The following KALRN variants were observed in gnomAD, a reference collection of about 807,000 sequenced individuals.
KALRN encodes the protein kalirin RhoGEF kinase, also known as kalirin.
KALRN carries 70 observed loss-of-function variants against 353.7 expected under a neutral mutation model. That is an observed-to-expected ratio of 0.20 (90% CI 0.16 to 0.24). The LOEUF is 0.24. Among genes scored for constraint, KALRN ranks in the 10% least tolerant of loss-of-function variants. The pLI, the probability that KALRN is intolerant of heterozygous loss-of-function variation, is 1.00. For missense variants in KALRN, 2,791 were observed against 3,756.7 expected (o/e 0.74, Z 6.72); for synonymous variants, 1,391 against 1,434.8 (o/e 0.97, Z 0.69).
chr3:124,709,340 C>A (rs2062785044), intron 57 of KALRN, among the ~76,000 whole-genome samples: 1 of 152,260 alleles, frequency 6.6e-6, no homozygotes, highest in Admixed American at 6.5e-5. Context: ...TGCAGTGGCA[C>A]AATCTTGGCT....
intron 5 of KALRN, among the ~76,000 whole-genome samples, chr3:124,288,077 G>T (rs948443417): frequency 2.0e-5 from 3 of 151,912 alleles, no homozygotes; most frequent in African/African-American, 7.3e-5. Flanking sequence ...GTTTCGCCTT[G>T]TTGGCCAGGC....
chr3:124,683,953 TGTA>T (rs1265738796), intron 51 of KALRN, among the ~76,000 whole-genome samples: 1 of 152,244 alleles, frequency 6.6e-6, no homozygotes, highest in African/African-American at 2.4e-5. Context: ...TTTTATGTTT[TGTA>T]GTAAAATATA....
Position 124,398,796 on chromosome 3 carries a change from G to A in KALRN, c.2271G>A (p.Glu757=). 6.2e-7 allele frequency: 1 copy of A among 1,614,198 alleles called. No homozygotes were observed. Among genetic ancestry groups the A allele is most frequent in the Non-Finnish European group, 8.5e-7 (1 of 1,180,044 alleles). The change falls in exon 13 of 60, where the codon GAG becomes GAA. Residue 757 remains glutamate, a synonymous_variant. Coordinates refer to ENST00000682506, the MANE Select transcript of KALRN (RefSeq NM_001388419.1). ...QQLDDAQVQM[E]ELFHERKIKL... is the part of the protein sequence containing the mutation. The stretch of plus-strand genomic sequence containing the variant: ...TTGATGATGCCCAGGTGCAGATGGA[G>A]GAGCTGTTCCACGAGCGGAAGATCA...
intron 3 of KALRN, among the ~76,000 whole-genome samples, chr3:124,256,837 C>T (rs779221335): frequency 2.6e-5 from 4 of 152,142 alleles, no homozygotes; most frequent in African/African-American, 9.7e-5. Context: ...GCAGAAACCT[C>T]GCAGTGATTT....
At position 124,576,028 on chromosome 3, in the gene KALRN, C is replaced by T. The variant is rs1048539742; in HGVS notation, c.5182+12939C>T. ...TTACCAATCAAGCCATGCATACGCT[C>T]ACCTCAGGGCCTGATCTTTTGTTCC... On this transcript the variant is annotated intron_variant, in intron 34 of 59. Coordinates refer to ENST00000682506, the MANE Select transcript of KALRN (RefSeq NM_001388419.1). Among the ~76,000 whole-genome samples the T allele has an allele frequency of 2.6e-5, 4 of 151,874 alleles. No individual in the cohort carries two copies. In the East Asian group the frequency reaches 5.8e-4, roughly 22 times the overall value.
At chr3:124,486,227 G>A (rs2062558734) in intron 28 of KALRN, among the ~76,000 whole-genome samples, 1 of 152,170 alleles carries the variant, frequency 6.6e-6, no homozygotes, top group South Asian at 2.1e-4. Context: ...TGGTAGATTG[G>A]TAGACTTGCT....
At chr3:124,333,843 G>A (rs61703893) in intron 8 of KALRN, among the ~76,000 whole-genome samples, 10,283 of 152,190 alleles carry the variant, frequency 0.068, 1,145 homozygotes, top group African/African-American at 0.23. Flanking sequence ...AGCCGAGATC[G>A]CACCATTGAT....
intron 34 of KALRN, among the ~76,000 whole-genome samples, chr3:124,606,938 T>C (rs1440325843): frequency 6.6e-6 from 1 of 152,228 alleles, no homozygotes; most frequent in East Asian, 1.9e-4. Flanking sequence ...TTGGCAAAAT[T>C]ATAGGTAAGG....
chr3:124,288,153 G>A lies in KALRN; in HGVS notation c.970-10638G>A, dbSNP rs140002839. On this transcript the variant is annotated intron_variant, in intron 5 of 59. Transcript: ENST00000682506. ...GCCTCCCAAAGTGCTGGGATTACAG[G>A]TGTGAGCCATCATGCCCAGCCAGGA... 5.3e-3 allele frequency among the ~76,000 whole-genome samples: 810 copies of A among 152,218 alleles called. 12 individuals carry two copies. Among genetic ancestry groups the A allele is most frequent in the African/African-American group, 0.019 (785 of 41,518 alleles).
chr3:124,134,524 T>A (rs544713649), intron 1 of KALRN, among the ~76,000 whole-genome samples: 1 of 152,298 alleles, frequency 6.6e-6, no homozygotes, highest in South Asian at 2.1e-4. Context: ...GATAAATATC[T>A]GGGACCTAAT....
At chr3:124,329,219 C>G (rs1190087838) in intron 7 of KALRN, among the ~76,000 whole-genome samples, 2 of 152,206 alleles carry the variant, frequency 1.3e-5, no homozygotes, top group South Asian at 2.1e-4. Flanking sequence ...CTGTCAAGAT[C>G]TATGTCTATA....
At chr3:124,682,493 T>C (rs1468180283) in intron 51 of KALRN, among the ~76,000 whole-genome samples, 1 of 152,204 alleles carries the variant, frequency 6.6e-6, no homozygotes, top group Admixed American at 6.5e-5. Context: ...CTGACTCCCT[T>C]TAACCTGAGG....
rs945625278 is a variant in KALRN, at chr3:124,082,660, A to G, written c.73+48847A>G. 3.9e-5 allele frequency among the ~76,000 whole-genome samples: 6 copies of G among 152,170 alleles called. No homozygotes were observed. The East Asian group carries it at 9.6e-4, about 24-fold the overall frequency. ...TTATGGAAGGCAGCAGTGGGGTGGG[A>G]TATAAACTATATGATCATGACAAAC... On this transcript the variant is annotated intron_variant, in intron 1 of 59. Transcript: ENST00000682506.
At chr3:124,211,684 G>A (rs2076911277) in intron 1 of KALRN, among the ~76,000 whole-genome samples, 4 of 152,036 alleles carry the variant, frequency 2.6e-5, no homozygotes. Flanking sequence ...GATGTTTGTT[G>A]GAGTCTTCAT....
rs560826636 is a variant in KALRN at position 124,197,838 on chromosome 3, G to A, written c.74-30152G>A. 4.6e-5 allele frequency among the ~76,000 whole-genome samples: 7 copies of A among 152,154 alleles called. No homozygotes were observed. The South Asian group carries it at 6.2e-4, about 14-fold the overall frequency. On this transcript the variant is annotated intron_variant, in intron 1 of 59. Transcript: ENST00000682506. ...TTCTATCTGCCAGGTAATTGTCCTC[G>A]TCATATCTCCAAACATGCCCCCTGC...
intron 33 of KALRN, among the ~76,000 whole-genome samples, chr3:124,502,499 G>A (rs574475540): frequency 6.6e-6 from 1 of 152,338 alleles, no homozygotes; most frequent in African/African-American, 2.4e-5. Flanking sequence ...GAGGAAATGT[G>A]ATGTAAAAGA....
chr3:124,562,639 G>T, intron 33 of KALRN: 12 of 380,830 alleles, frequency 3.2e-5, no homozygotes, highest in Non-Finnish European at 4.4e-5. Flanking sequence ...TTTTTTTCTT[G>T]TTTTCTTTCC....
intron 1 of KALRN, chr3:124,164,403 G>A (rs572481237): frequency 6.6e-6 from 1 of 152,330 alleles, no homozygotes; most frequent in African/African-American, 2.4e-5. Flanking sequence ...ATTCTGTCCT[G>A]CAAATGCCTT....
rs532070540 is a variant in KALRN, at chr3:124,503,904, A to G, written c.4935+7491A>G. Among the ~76,000 whole-genome samples, 4 of 152,338 alleles carry G rather than the reference A, an allele frequency of 2.6e-5. No individual in the cohort carries two copies. In the South Asian group the frequency reaches 6.2e-4, roughly 24 times the overall value. On this transcript the variant is annotated intron_variant, in intron 33 of 59. Coordinates refer to ENST00000682506, the MANE Select transcript of KALRN (RefSeq NM_001388419.1). ...TTTCATATCAGCATTATTTTACTTA[A>G]TATTTTGATTTATATTCCATAGCTT...
Sources: gnomAD v4.1 joint callset for allele counts (sites outside exome capture counted in the v4.1 genomes callset) on GRCh38, gnomAD v4.1.1 for gene constraint, MANE v1.5 for transcripts, NCBI Gene and HGNC (gene_info 2026-07-23, HGNC 2026-07-21) for gene names.